Variants in OPCML observed in about 807,000 individuals in gnomAD.
The protein encoded by OPCML is opioid-binding protein/cell adhesion molecule.
Under a neutral mutation model 37.8 loss-of-function variants are expected in OPCML, and 13 were observed. The ratio of observed to expected loss-of-function variants is 0.34; its 90% confidence interval spans 0.22 to 0.55. OPCML has a LOEUF of 0.55. Ranked by LOEUF, OPCML falls within the 20% of genes least tolerant of loss-of-function variation. The pLI, the probability that OPCML is intolerant of heterozygous loss-of-function variation, is 0.91. For synonymous variants in OPCML, 176 were observed against 168.8 expected (o/e 1.04, Z -0.33); for missense variants, 341 against 435.6 (o/e 0.78, Z 1.93).
At chr11:132,931,335 C>T (rs7932814) in intron 2 of OPCML, among the ~76,000 whole-genome samples, 27,792 of 151,934 alleles carry the variant, frequency 0.18, 3,406 homozygotes, top group African/African-American at 0.34. Context: ...TACAGTAAAA[C>T]GTTAAAGCCT....
intron 3 of OPCML, among the ~76,000 whole-genome samples, chr11:132,531,966 T>G (rs1443562275): frequency 6.6e-6 from 1 of 152,092 alleles, no homozygotes; most frequent in African/African-American, 2.4e-5. Flanking sequence ...GATAGTAAGT[T>G]ACACACAGCT....
At chr11:133,011,339 G>A (rs1014309500) in intron 1 of OPCML, among the ~76,000 whole-genome samples, 1 of 152,204 alleles carries the variant, frequency 6.6e-6, no homozygotes, top group Non-Finnish European at 1.5e-5. Flanking sequence ...GGGCCAGTGT[G>A]AGAGAAGTGA....
chr11:133,531,951 C>G (rs1948614775), intron 1 of OPCML, among the ~76,000 whole-genome samples: 1 of 152,164 alleles, frequency 6.6e-6, no homozygotes, highest in South Asian at 2.1e-4. Context: ...CCCCCAGGAC[C>G]ACAGCTGGTT....
intron 1 of OPCML, among the ~76,000 whole-genome samples, chr11:133,458,898 T>C (rs1017224118): frequency 6.6e-6 from 1 of 151,480 alleles, no homozygotes; most frequent in African/African-American, 2.4e-5. Context: ...TGTGTGTATA[T>C]ATATACACAT....
At chr11:133,365,633 C>G (rs577832042) in intron 1 of OPCML, 1 of 152,078 alleles carries the variant, frequency 6.6e-6, no homozygotes, top group African/African-American at 2.4e-5. Flanking sequence ...GAATAGAGAT[C>G]GATTCTTCCC....
chr11:133,148,237 C>T (rs770907108), intron 1 of OPCML, among the ~76,000 whole-genome samples: 2 of 152,172 alleles, frequency 1.3e-5, no homozygotes. Context: ...TCCTGTGGCC[C>T]AGGTACTGTG....
chr11:132,767,439 T>C (rs937775262), intron 2 of OPCML, among the ~76,000 whole-genome samples: 14 of 152,230 alleles, frequency 9.2e-5, no homozygotes, highest in African/African-American at 3.4e-4. Flanking sequence ...TGAGTCCACC[T>C]GAAGCCGGCA....
intron 2 of OPCML, among the ~76,000 whole-genome samples, chr11:132,685,571 T>C (rs1482237600): frequency 6.6e-6 from 1 of 152,214 alleles, no homozygotes; most frequent in East Asian, 1.9e-4. Context: ...GCAATCATCC[T>C]CTTTGGGAAG....
At chr11:132,917,764 G>T (rs1944655388) in intron 2 of OPCML, among the ~76,000 whole-genome samples, 1 of 152,126 alleles carries the variant, frequency 6.6e-6, no homozygotes, top group Admixed American at 6.6e-5. Flanking sequence ...TAGCACAATG[G>T]CTTGCTTATC....
intron 1 of OPCML, among the ~76,000 whole-genome samples, chr11:133,362,540 C>G (rs1163518172): frequency 6.6e-6 from 1 of 152,224 alleles, no homozygotes; most frequent in African/African-American, 2.4e-5. Flanking sequence ...AAAACAGAAG[C>G]TTGTCAAGCT....
intron 2 of OPCML, among the ~76,000 whole-genome samples, chr11:132,877,384 A>G (rs1943060615): frequency 6.6e-6 from 1 of 152,200 alleles, no homozygotes; most frequent in Non-Finnish European, 1.5e-5. Context: ...TGGTATCAAT[A>G]AACTTATCAG....
intron 4 of OPCML, among the ~76,000 whole-genome samples, chr11:132,450,304 G>A (rs577464876): frequency 6.6e-5 from 10 of 152,298 alleles, no homozygotes; most frequent in South Asian, 4.1e-4. Context: ...AGAAAATGTC[G>A]CTGTGAGGGA....
At position 133,002,965 on chromosome 11, in the gene OPCML, A is replaced by G. The variant is rs144674921; in HGVS notation, c.62-59955T>C. Among the ~76,000 whole-genome samples, 324 of 152,194 alleles carry G rather than the reference A, an allele frequency of 2.1e-3. 2 individuals carry two copies. The highest frequency in any genetic ancestry group is 7.2e-3 in the African/African-American group (298 of 41,522). The stretch of plus-strand genomic sequence containing the variant: ...TTCTCTTTTTCATATCAGTGGGGGG[A>G]AAAATGCAAGTTAAAAGTCACAGTG... On this transcript the variant is annotated intron_variant, in intron 1 of 7. Transcript: ENST00000524381.
At chr11:133,378,996 G>A (rs4623915) in intron 1 of OPCML, among the ~76,000 whole-genome samples, 77,498 of 151,906 alleles carry the variant, frequency 0.51, 20,447 homozygotes, top group East Asian at 0.8. Context: ...GCCTCAAGCA[G>A]TTCTCCCACC....
intron 2 of OPCML, among the ~76,000 whole-genome samples, chr11:132,796,324 TATG>T (rs1182009378): frequency 6.6e-6 from 1 of 152,230 alleles, no homozygotes; most frequent in Non-Finnish European, 1.5e-5. Flanking sequence ...CACTTTTGAC[TATG>T]ATAACTAATG....
At chr11:133,129,859 G>T (rs1565462024) in intron 1 of OPCML, among the ~76,000 whole-genome samples, 1 of 152,140 alleles carries the variant, frequency 6.6e-6, no homozygotes, top group African/African-American at 2.4e-5. Flanking sequence ...TGTGAGCCAT[G>T]ATCACACTAT....
At chr11:133,362,662 G>C (rs994133263) in intron 1 of OPCML, among the ~76,000 whole-genome samples, 1 of 152,134 alleles carries the variant, frequency 6.6e-6, no homozygotes, top group Non-Finnish European at 1.5e-5. Context: ...GAAACATCTT[G>C]GGTGGAGATG....
rs376738412 is a variant in OPCML at position 133,202,216 on chromosome 11, G to A, written c.62-259206C>T. 1.3e-3 allele frequency among the ~76,000 whole-genome samples: 195 copies of A among 152,256 alleles called. 1 individual carries two copies. Among genetic ancestry groups the A allele is most frequent in the African/African-American group, 4.4e-3 (182 of 41,554 alleles). ...AGAGGAGGTCAGCCATTCCACCTCC[G>A]GCTGAAGCCATCCTTCCCTCCTGCA... is the stretch of plus-strand genomic sequence containing the variant. On this transcript the variant is annotated intron_variant, in intron 1 of 7. Transcript: ENST00000524381.
chr11:132,632,064 G>A (rs1387744377), intron 3 of OPCML, among the ~76,000 whole-genome samples: 1 of 151,454 alleles, frequency 6.6e-6, no homozygotes, highest in African/African-American at 2.4e-5. Flanking sequence ...GGGCTGGGCT[G>A]TTAAAATGGT....
Sources: allele counts gnomAD v4.1 joint callset (sites outside exome capture counted in the v4.1 genomes callset), GRCh38; gene constraint gnomAD v4.1.1; transcripts MANE v1.5; gene names NCBI Gene and HGNC (gene_info 2026-07-23, HGNC 2026-07-21).